The following FGF12 variants were observed in gnomAD, a reference collection of about 807,000 sequenced individuals.
FGF12 encodes fibroblast growth factor 12.
A neutral mutation model predicts 23.6 loss-of-function variants in FGF12; 14 were observed. The ratio of observed to expected loss-of-function variants is 0.59; its 90% CI spans 0.39 to 0.93. The LOEUF is 0.93. Ranked by LOEUF, FGF12 falls within the 40% of genes least tolerant of loss-of-function variation. The pLI is 0.00. For missense variants in FGF12, 175 were observed against 217.8 expected, an observed-to-expected ratio of 0.80 and a Z score of 1.24; for synonymous variants, 62 against 77.3, an observed-to-expected ratio of 0.80 and a Z score of 1.04.
chr3:192,412,939 C>T (rs1406380571), intron 2 of FGF12, among the ~76,000 whole-genome samples: 4 of 152,162 alleles, frequency 2.6e-5, no homozygotes, highest in East Asian at 1.9e-4. Flanking sequence ...CTTTGAACAA[C>T]TTAAGAATTT....
intron 2 of FGF12, among the ~76,000 whole-genome samples, chr3:192,401,480 C>T (rs1335302753): frequency 6.6e-6 from 1 of 152,146 alleles, no homozygotes. Context: ...CTTCTGGATC[C>T]ACTAAAAGAT....
intron 2 of FGF12, among the ~76,000 whole-genome samples, chr3:192,637,789 T>G (rs1715640104): frequency 6.6e-6 from 1 of 152,194 alleles, no homozygotes. Flanking sequence ...ATATAAGTCT[T>G]TAATATTTGT....
Position 192,408,262 on chromosome 3 carries a change from C to G in FGF12, c.14-47724G>C. 1 of 1,533,476 alleles carries G rather than the reference C, an allele frequency of 6.5e-7. No homozygotes were observed. Among genetic ancestry groups the G allele is most frequent in the East Asian group, 2.3e-5 (1 of 43,128 alleles). The allele number at this position is 1,533,476 out of a possible 1,614,324, so 95.0% of individuals were successfully genotyped here. Reference sequence around the variant, plus strand: ...GGGCCTCAGGCCCCAGCCTCTACTGCGCCCTCCGGCTTGCGCTCCGCCGGG... The same window carrying G: ...GGGCCTCAGGCCCCAGCCTCTACTGGGCCCTCCGGCTTGCGCTCCGCCGGG... On this transcript the variant is annotated intron_variant, in intron 2 of 5. Coordinates refer to ENST00000445105, the MANE Select transcript of FGF12 (RefSeq NM_004113.6). The surrounding 1 kb of genome is among the most constrained non-coding windows in gnomAD (Gnocchi z 7.3).
intron 2 of FGF12, among the ~76,000 whole-genome samples, chr3:192,399,027 A>G (rs906953976): frequency 6.6e-5 from 10 of 152,080 alleles, no homozygotes; most frequent in African/African-American, 2.4e-4. Context: ...TAGGAACTGA[A>G]GTTTTCATCA....
intron 2 of FGF12, among the ~76,000 whole-genome samples, chr3:192,443,226 A>G (rs1722255775): frequency 6.6e-6 from 1 of 152,206 alleles, no homozygotes; most frequent in African/African-American, 2.4e-5. Flanking sequence ...AAGCATATCC[A>G]TCCTCTTTGG....
At chr3:192,538,270 GT>G (rs34670338) in intron 2 of FGF12, among the ~76,000 whole-genome samples, 40,465 of 151,484 alleles carry the variant, frequency 0.27, 5,643 homozygotes, top group Middle Eastern at 0.43. Context: ...TTTTTCTTTT[GT>G]TTTGTTTTTG....
intron 4 of FGF12, among the ~76,000 whole-genome samples, chr3:192,224,274 A>C (rs564317518): frequency 3.3e-5 from 5 of 152,132 alleles, no homozygotes; most frequent in Non-Finnish European, 7.4e-5. Context: ...AATGACATAC[A>C]ATTCCATTTA....
chr3:192,289,121 T>C (rs1714619950), intron 4 of FGF12, among the ~76,000 whole-genome samples: 1 of 152,162 alleles, frequency 6.6e-6, no homozygotes. Flanking sequence ...TTTAAATGAT[T>C]TGATCAGCCT....
At chr3:192,177,062 C>T (rs1259952781) in intron 4 of FGF12, among the ~76,000 whole-genome samples, 2 of 152,098 alleles carry the variant, frequency 1.3e-5, no homozygotes, top group African/African-American at 4.8e-5. Context: ...AATAGAAAAA[C>T]AGAATTGTCC....
At chr3:192,163,256 GT>G (rs776665682) in intron 5 of FGF12, among the ~76,000 whole-genome samples, 2 of 152,072 alleles carry the variant, frequency 1.3e-5, no homozygotes, top group African/African-American at 2.4e-5. Flanking sequence ...AGACACTTCT[GT>G]ATTCTTGGTT....
rs186858111 is a variant in FGF12, at chr3:192,300,008, C to G, written c.228+35353G>C. On this transcript the variant is annotated intron_variant, in intron 4 of 5. Transcript: ENST00000445105. ...TTTCTTCCCCTGTGCTCATGTGATG[C>G]TCCACCTGTCCCACTGGGGCCTATT... 8.1e-4 allele frequency among the ~76,000 whole-genome samples: 123 copies of G among 152,294 alleles called. 1 individual carries two copies. The highest frequency in any genetic ancestry group is 2.6e-3 in the African/African-American group (107 of 41,570).
At chr3:192,371,676 G>T (rs1719237926) in intron 2 of FGF12, among the ~76,000 whole-genome samples, 1 of 152,180 alleles carries the variant, frequency 6.6e-6, no homozygotes, top group Non-Finnish European at 1.5e-5. Context: ...CAAATGCCAG[G>T]CACTTTATGT....
intron 4 of FGF12, among the ~76,000 whole-genome samples, chr3:192,242,427 A>G (rs1445128073): frequency 6.6e-6 from 1 of 152,160 alleles, no homozygotes; most frequent in African/African-American, 2.4e-5. Context: ...TGGGGGTATC[A>G]AAATTGTTCC....
At chr3:192,224,635 TA>T (rs372772664) in intron 4 of FGF12, among the ~76,000 whole-genome samples, 77 of 152,214 alleles carry the variant, frequency 5.1e-4, no homozygotes, top group African/African-American at 1.8e-3. Context: ...GAGTCACTCT[TA>T]AAAGAAAAAC....
chr3:192,276,841 C>T (rs1022647690), intron 4 of FGF12, among the ~76,000 whole-genome samples: 3 of 152,112 alleles, frequency 2.0e-5, no homozygotes, highest in Non-Finnish European at 4.4e-5. Flanking sequence ...GGGTCCTCAC[C>T]ACACTCAGAA....
intron 2 of FGF12, among the ~76,000 whole-genome samples, chr3:192,688,860 C>T (rs1035220943): frequency 1.3e-5 from 2 of 151,832 alleles, no homozygotes; most frequent in African/African-American, 4.8e-5. Flanking sequence ...AGTGGACAAA[C>T]GGATAAATAA....
At chr3:192,633,890 A>C (rs1320936013) in intron 2 of FGF12, among the ~76,000 whole-genome samples, 1 of 152,102 alleles carries the variant, frequency 6.6e-6, no homozygotes, top group East Asian at 1.9e-4. Context: ...AACCAAGGTG[A>C]ATTAGACAGG....
At position 192,486,046 on chromosome 3, in the gene FGF12, A is replaced by G. The variant is rs73889350; in HGVS notation, c.14-125508T>C. Among the ~76,000 whole-genome samples the G allele has an allele frequency of 5.5e-3, 839 of 152,272 alleles. 9 individuals are homozygous for G. Among genetic ancestry groups the G allele is most frequent in the African/African-American group, 0.019 (801 of 41,562 alleles). ...GGCCATTAATACGGTTTTTCATTAT[A>G]AAAAGTGAGTCCTTTACCTAAGTTC... On this transcript the variant is annotated intron_variant, in intron 2 of 5. Transcript: ENST00000445105.
intron 2 of FGF12, among the ~76,000 whole-genome samples, chr3:192,395,958 G>A (rs771380912): frequency 7.2e-5 from 11 of 152,176 alleles, no homozygotes; most frequent in Non-Finnish European, 1.0e-4. Flanking sequence ...TTCTATGAAT[G>A]TCAAGAAGGT....
Sources: gnomAD v4.1 joint callset for allele counts (sites outside exome capture counted in the v4.1 genomes callset) on GRCh38, gnomAD v4.1.1 for gene constraint, Gnocchi (gnomAD v3.1) non-coding constraint, MANE v1.5 for transcripts, NCBI Gene and HGNC (gene_info 2026-07-23, HGNC 2026-07-21) for gene names.